Variants in OARD1 observed in about 807,000 individuals in gnomAD.
OARD1 encodes the protein ADP-ribose glycohydrolase OARD1.
OARD1 carries 19 observed loss-of-function variants against 19.7 expected under a neutral mutation model. The observed-to-expected ratio is 0.96, with a 90% CI of 0.67 to 1.41. The LOEUF is 1.41. Ranked by LOEUF, OARD1 falls within the 40% of genes most tolerant of loss-of-function variation. The pLI is 0.00. For missense variants in OARD1, 190 were observed against 183.8 expected, an observed-to-expected ratio of 1.03 and a Z score of -0.20; for synonymous variants, 70 against 61.8, an observed-to-expected ratio of 1.13 and a Z score of -0.62.
At position 41,064,824 on chromosome 6, in the gene OARD1, A is replaced by T. The variant is rs768724421; in HGVS notation, c.*2511T>A. On this transcript the variant is annotated 3_prime_UTR_variant, in exon 6 of 6. Coordinates refer to ENST00000424266, the MANE Select transcript of OARD1 (RefSeq NM_001329686.2). ...TATTAGAGAGGAGCGGGTGAAAAGT[A>T]GTAGTTTAATGTTCAGATATACAAT... 4 of 152,242 alleles carry T rather than the reference A, an allele frequency of 2.6e-5. No individual in the cohort carries two copies. Among genetic ancestry groups the T allele is most frequent in the Non-Finnish European group, 5.9e-5 (4 of 68,046 alleles). 9.4% of individuals were successfully genotyped at this position (152,242 alleles called of 1,614,324 possible).
intron 1 of OARD1, among the ~76,000 whole-genome samples, chr6:41,096,852 A>G (rs1764371274): frequency 6.6e-6 from 1 of 152,230 alleles, no homozygotes; most frequent in Non-Finnish European, 1.5e-5. Flanking sequence ...TCTGACCCTG[A>G]CCCTAGTCCA....
At chr6:41,073,612 C>T (rs1218462473), upstream of OARD1, among the ~76,000 whole-genome samples, 1 of 152,158 alleles carries the variant, frequency 6.6e-6, no homozygotes, top group Non-Finnish European at 1.5e-5. Flanking sequence ...TCTGCAGCCC[C>T]TCTAGGTCGG....
At chr6:41,097,528 C>T (rs920664555) in intron 1 of OARD1, 3 of 1,052,732 alleles carry the variant, frequency 2.8e-6, no homozygotes, top group Non-Finnish European at 4.2e-6. Context: ...AGGACAGAAA[C>T]CACTTAGTTT....
At chr6:41,091,719 T>G (rs12189627) in intron 1 of OARD1, 226,767 of 1,602,384 alleles carry the variant, frequency 0.14, 21,095 homozygotes, top group African/African-American at 0.46. Context: ...TTTTCAGCTT[T>G]GTCTTTGAAA....
In OARD1 at chr6:41,088,533, T is replaced by C. The variant is rs12210716; in HGVS notation, c.-42+9180A>G. Among the ~76,000 whole-genome samples, 891 of 152,260 alleles carry C rather than the reference T, an allele frequency of 5.9e-3. 4 individuals are homozygous for C. Among genetic ancestry groups the C allele is most frequent in the Non-Finnish European group, 9.7e-3 (661 of 68,002 alleles). Reference sequence around the variant, plus strand: ...CCTCTCAAGGCCCTTATCAAGGTGTTGTCCTGGGCTGCAGTCACATTTGAC... The same window carrying C: ...CCTCTCAAGGCCCTTATCAAGGTGTCGTCCTGGGCTGCAGTCACATTTGAC... On this transcript the variant is annotated intron_variant, in intron 1 of 4. Coordinates refer to the OARD1 transcript ENST00000480585.
intron 1 of OARD1, among the ~76,000 whole-genome samples, chr6:41,085,073 CATT>C (rs1764008012): frequency 6.6e-6 from 1 of 151,892 alleles, no homozygotes; most frequent in Non-Finnish European, 1.5e-5. Flanking sequence ...AACAAAAAGT[CATT>C]ATATCCACTG....
chr6:41,067,669 A>G (rs556089589), intron 5 of OARD1, among the ~76,000 whole-genome samples: 1 of 152,324 alleles, frequency 6.6e-6, no homozygotes, highest in South Asian at 2.1e-4. Context: ...ATAAGATACT[A>G]CTTTCCAACT....
chr6:41,079,220 C>A, intron 1 of OARD1: 1 of 1,522,630 alleles, frequency 6.6e-7, no homozygotes, highest in Non-Finnish European at 9.1e-7. Context: ...AACAGCACCA[C>A]TCAATTGGTT....
At chr6:41,069,796 T>C (rs959946941) in intron 4 of OARD1, 3 of 434,632 alleles carry the variant, frequency 6.9e-6, no homozygotes, top group Non-Finnish European at 1.2e-5. Flanking sequence ...ATGGCAGGCA[T>C]TCCTAACTTT....
intron 1 of OARD1, among the ~76,000 whole-genome samples, chr6:41,093,819 C>G (rs1279356082): frequency 6.6e-6 from 1 of 152,230 alleles, no homozygotes; most frequent in East Asian, 1.9e-4. Context: ...GTACCTTCCA[C>G]TAGCCGGAAT....
At chr6:41,078,538 G>GT (rs1389390000) in intron 1 of OARD1, among the ~76,000 whole-genome samples, 1 of 152,084 alleles carries the variant, frequency 6.6e-6, no homozygotes, top group Non-Finnish European at 1.5e-5. Context: ...ATATCATTCA[G>GT]TTTATCTAAT....
At chr6:41,086,522 G>GT (rs35163651) in intron 1 of OARD1, among the ~76,000 whole-genome samples, 16,081 of 151,972 alleles carry the variant, frequency 0.11, 1,209 homozygotes, top group East Asian at 0.36. Context: ...TTGTATAGGA[G>GT]TTTTTTTTCT....
Position 41,090,519 on chromosome 6 carries a change from T to C in OARD1, c.-42+7194A>G, listed in dbSNP as rs1764171797. On this transcript the variant is annotated intron_variant, in intron 1 of 4. Coordinates refer to the OARD1 transcript ENST00000480585. Reference sequence around the variant, plus strand: ...ATTCCATGTGTAGCAGTTTCTATAGTGGTTGCTAATCTAGGGATTGTGTAA... The same window carrying C: ...ATTCCATGTGTAGCAGTTTCTATAGCGGTTGCTAATCTAGGGATTGTGTAA... Among the ~76,000 whole-genome samples the C allele has an allele frequency of 2.0e-5, 3 of 152,316 alleles. No individual in the cohort carries two copies. The South Asian group carries it at 6.2e-4, about 32-fold the overall frequency.
chr6:41,076,710 G>A (rs1354824622), upstream of OARD1, among the ~76,000 whole-genome samples: 1 of 152,192 alleles, frequency 6.6e-6, no homozygotes, highest in East Asian at 1.9e-4. Flanking sequence ...AAAACTTTGT[G>A]TTAAGAGCAA....
rs1045950975 is a variant in OARD1 at position 41,090,459 on chromosome 6, T to C, written c.-42+7254A>G. On this transcript the variant is annotated intron_variant, in intron 1 of 4. Transcript: ENST00000480585. The stretch of plus-strand genomic sequence containing the variant: ...AGATTTCCTCTAGCTCTCCATTGAT[T>C]GTTGGTTTCTTGTCACCATCTGTGA... The C allele has an allele frequency of 6.9e-5, 39 of 561,800 alleles. No homozygotes were observed. In the Admixed American group the frequency reaches 7.5e-4, roughly 11 times the overall value. The allele number at this position is 561,800 out of a possible 1,614,324, so 34.8% of individuals were successfully genotyped here. A position where few individuals can be genotyped will look rare whatever the true frequency, so the allele number is the denominator to read the frequency against.
chr6:41,068,587 G>A (rs543638512), intron 5 of OARD1, among the ~76,000 whole-genome samples: 6 of 152,318 alleles, frequency 3.9e-5, no homozygotes, highest in South Asian at 4.1e-4. Flanking sequence ...GACAATGGTC[G>A]CTCTCTGCTA....
rs2114063718 is a variant in OARD1 at position 41,071,499 on chromosome 6, G to A, written c.39+97C>T. 3 of 1,170,424 alleles carry A rather than the reference G, an allele frequency of 2.6e-6. 1 individual carries two copies. In the South Asian group the frequency reaches 3.7e-5, roughly 14 times the overall value. 72.5% of individuals were successfully genotyped at this position (1,170,424 alleles called of 1,614,324 possible). ...AGTAAATCAGCTAGAGAGAAAAAAA[G>A]ATAATGCAATCATTAATTTAATTAA... is the stretch of plus-strand genomic sequence containing the variant. On this transcript the variant is annotated intron_variant, in intron 2 of 5. Coordinates refer to ENST00000424266, the MANE Select transcript of OARD1 (RefSeq NM_001329686.2).
rs149376070 is a variant in OARD1 at position 41,068,840 on chromosome 6, C to T, written c.356+1G>A. 2.0e-6 allele frequency: 3 copies of T among 1,497,338 alleles called. No individual in the cohort carries two copies. In the South Asian group the frequency reaches 3.6e-5, roughly 18 times the overall value. The allele number at this position is 1,497,338 out of a possible 1,614,324, so 92.8% of individuals were successfully genotyped here. ...CCATTTAGGACCATGGATTTCCTTG[C>T]CTGGGCATGGAGAGGTCAGTGACTC... On this transcript the variant is annotated splice_donor_variant, in intron 5 of 5. Coordinates refer to ENST00000424266, the MANE Select transcript of OARD1 (RefSeq NM_001329686.2). LOFTEE classifies it high-confidence loss of function.
At chr6:41,082,249 CGAAA>C (rs1243811668) in intron 1 of OARD1, among the ~76,000 whole-genome samples, 1 of 152,134 alleles carries the variant, frequency 6.6e-6, no homozygotes, top group Non-Finnish European at 1.5e-5. Context: ...TAAATTAAGC[CGAAA>C]GAAACTGAGC....
Sources: gnomAD v4.1 joint callset for allele counts (sites outside exome capture counted in the v4.1 genomes callset) on GRCh38, gnomAD v4.1.1 for gene constraint, MANE v1.5 for transcripts, NCBI Gene and HGNC (gene_info 2026-07-23, HGNC 2026-07-21) for gene names.